CDKAL1: variants seen among roughly 807,000 people sequenced by gnomAD.
The protein encoded by CDKAL1 is CDKAL1 threonylcarbamoyladenosine tRNA methylthiotransferase.
A neutral mutation model predicts 68.2 loss-of-function variants in CDKAL1; 32 were observed. The observed-to-expected ratio is 0.47, with a 90% confidence interval of 0.35 to 0.63. CDKAL1 has a LOEUF of 0.63. Among genes scored for constraint, CDKAL1 ranks in the 30% least tolerant of loss-of-function variants. CDKAL1 has a pLI of 0.00. For missense variants in CDKAL1, 606 were observed against 696.7 expected (o/e 0.87, Z 1.47); for synonymous variants, 234 against 244.3 (o/e 0.96, Z 0.39).
chr6:20,885,057 G>A (rs995701193), intron 9 of CDKAL1, among the ~76,000 whole-genome samples: 1 of 152,156 alleles, frequency 6.6e-6, no homozygotes, highest in Admixed American at 6.5e-5. Context: ...TTCAGGGATA[G>A]GAATACTTAA....
intron 11 of CDKAL1, among the ~76,000 whole-genome samples, chr6:21,058,866 T>TG (rs151228724): frequency 0.19 from 28,801 of 152,192 alleles, 2,843 homozygotes; most frequent in Middle Eastern, 0.24. Flanking sequence ...ACTCCTGTTG[T>TG]GGGGGTCTCA....
At chr6:20,630,500 C>G (rs1168194444) in intron 4 of CDKAL1, among the ~76,000 whole-genome samples, 1 of 29,434 alleles carries the variant, frequency 3.4e-5, no homozygotes, top group Non-Finnish European at 5.9e-5. Context: ...TGCTTTTTCA[C>G]CTTTTTTTTT....
chr6:21,109,730 C>A (rs1037381852), intron 13 of CDKAL1, among the ~76,000 whole-genome samples: 1 of 152,068 alleles, frequency 6.6e-6, no homozygotes. Flanking sequence ...ATGAGATTGG[C>A]CAGATTTCTG....
At chr6:21,091,531 G>A (rs1027497342) in intron 12 of CDKAL1, among the ~76,000 whole-genome samples, 29 of 152,250 alleles carry the variant, frequency 1.9e-4, no homozygotes, top group African/African-American at 5.1e-4. Context: ...CAGCTCAGGC[G>A]TACAGCTCAG....
chr6:20,604,988 A>G (rs980595572), intron 4 of CDKAL1, among the ~76,000 whole-genome samples: 5 of 152,284 alleles, frequency 3.3e-5, no homozygotes, highest in South Asian at 4.1e-4. Flanking sequence ...CAGTGGTTCT[A>G]TGAGATTGGA....
At chr6:21,203,134 C>T (rs9350328) in intron 15 of CDKAL1, among the ~76,000 whole-genome samples, 2 of 149,796 alleles carry the variant, frequency 1.3e-5, no homozygotes, top group Admixed American at 6.7e-5. Flanking sequence ...ATTGCAAACT[C>T]TGCCTCCTGG....
At chr6:21,123,397 A>C (rs1049391404) in intron 13 of CDKAL1, among the ~76,000 whole-genome samples, 2 of 152,194 alleles carry the variant, frequency 1.3e-5, no homozygotes, top group African/African-American at 4.8e-5. Context: ...CGGAGGTTAC[A>C]GTAAGCCAAG....
intron 5 of CDKAL1, among the ~76,000 whole-genome samples, chr6:20,718,224 CA>C (rs1287693865): frequency 6.6e-6 from 1 of 152,176 alleles, no homozygotes; most frequent in Non-Finnish European, 1.5e-5. Context: ...TTCCCTGAAC[CA>C]TATTTTCCTC....
At chr6:20,809,502 A>C (rs1297386386) in intron 8 of CDKAL1, among the ~76,000 whole-genome samples, 1 of 152,140 alleles carries the variant, frequency 6.6e-6, no homozygotes, top group Admixed American at 6.5e-5. Flanking sequence ...ATATTTTACT[A>C]CACTTGGAAT....
At chr6:20,592,650 A>G (rs147529032) in intron 4 of CDKAL1, among the ~76,000 whole-genome samples, 1 of 151,876 alleles carries the variant, frequency 6.6e-6, no homozygotes, top group African/African-American at 2.4e-5. Context: ...TTGTATCCTT[A>G]GTAGAGATGG....
At chr6:20,793,759 A>G (rs963055768) in intron 8 of CDKAL1, among the ~76,000 whole-genome samples, 19 of 106,848 alleles carry the variant, frequency 1.8e-4, no homozygotes, top group Non-Finnish European at 2.9e-4. Flanking sequence ...CATTTCAGGG[A>G]TTGTTTTTTT....
At chr6:21,127,541 A>C (rs1266679541) in intron 13 of CDKAL1, among the ~76,000 whole-genome samples, 2 of 152,122 alleles carry the variant, frequency 1.3e-5, no homozygotes, top group African/African-American at 2.4e-5. Context: ...TTTGAGGTCA[A>C]GAGTTCAAGA....
At chr6:20,853,918 G>A (rs1175595971) in intron 9 of CDKAL1, among the ~76,000 whole-genome samples, 1 of 152,162 alleles carries the variant, frequency 6.6e-6, no homozygotes, top group African/African-American at 2.4e-5. Flanking sequence ...CACAATCGTT[G>A]TTAATTTGCT....
At position 21,072,554 on chromosome 6, in the gene CDKAL1, C is replaced by CAAA. The variant is rs71540611; in HGVS notation, c.1236+7350_1236+7352dup. Among the ~76,000 whole-genome samples, 225 of 44,452 alleles carry CAAA rather than the reference C, an allele frequency of 5.1e-3. 43 individuals are homozygous for CAAA. The highest frequency in any genetic ancestry group is 0.016 in the African/African-American group (186 of 11,772). 29.2% of individuals were successfully genotyped at this position (44,452 alleles called of 152,430 possible). A position where few individuals can be genotyped will look rare whatever the true frequency, so the allele number is the denominator to read the frequency against. On this transcript the variant is annotated intron_variant, in intron 12 of 15. Coordinates refer to ENST00000274695, the MANE Select transcript of CDKAL1 (RefSeq NM_017774.3). ...TGGGCGACTGAGCGAGACTCCGTCT[C>CAAA]AAAAAAAAAAAAAAAAAAAAAAAAA...
intron 11 of CDKAL1, among the ~76,000 whole-genome samples, chr6:21,062,930 T>C (rs529921836): frequency 1.4e-5 from 2 of 141,700 alleles, no homozygotes; most frequent in South Asian, 4.5e-4. Context: ...TTGTTTGTTT[T>C]TTGAGACGAA....
At chr6:20,751,196 C>A (rs917687869) in intron 6 of CDKAL1, among the ~76,000 whole-genome samples, 1 of 151,994 alleles carries the variant, frequency 6.6e-6, no homozygotes, top group African/African-American at 2.4e-5. Flanking sequence ...CCTTCGACTG[C>A]AGAGTAGTGT....
intron 5 of CDKAL1, among the ~76,000 whole-genome samples, chr6:20,679,360 A>G (rs573486756): frequency 1.6e-4 from 25 of 152,358 alleles, no homozygotes; most frequent in African/African-American, 5.1e-4. Context: ...TCTATTTATT[A>G]TAACATTTGT....
chr6:20,580,992 T>C (rs1765121991), intron 4 of CDKAL1, among the ~76,000 whole-genome samples: 2 of 152,222 alleles, frequency 1.3e-5, no homozygotes, highest in South Asian at 4.1e-4. Flanking sequence ...TTTCTTCATG[T>C]TGGTCAGGCT....
In CDKAL1 at chr6:20,756,903, CCTT is replaced by C. The variant is rs1443642320; in HGVS notation, c.469-1690_469-1688del. ...TCCTTCCTTCCTTCCTTCCTTCCTTCCTTCCTTCCTTCCTTCCTTCCCTCCTTC... is the reference window on the plus strand; with the variant it reads ...TCCTTCCTTCCTTCCTTCCTTCCTTCCCTTCCTTCCTTCCTTCCCTCCTTC... On this transcript the variant is annotated intron_variant, in intron 6 of 15. Transcript: ENST00000274695. The C allele has an allele frequency of 6.9e-4, 74 of 107,612 alleles. 3 individuals carry two copies. Among genetic ancestry groups the C allele is most frequent in the Admixed American group, 1.4e-3 (14 of 10,224 alleles). 6.7% of individuals were successfully genotyped at this position (107,612 alleles called of 1,614,324 possible).
Sources: gnomAD v4.1 joint callset for allele counts (sites outside exome capture counted in the v4.1 genomes callset) on GRCh38, gnomAD v4.1.1 for gene constraint, MANE v1.5 for transcripts, NCBI Gene and HGNC (gene_info 2026-07-23, HGNC 2026-07-21) for gene names.